LATS2: variants seen among roughly 807,000 people sequenced by gnomAD.
The protein encoded by LATS2 is serine/threonine-protein kinase LATS2.
LATS2 carries 24 observed loss-of-function variants against 76.0 expected under a neutral mutation model. That is an observed-to-expected ratio of 0.32 (90% CI 0.23 to 0.44). The LOEUF (loss-of-function observed/expected upper bound fraction) is 0.44, where lower values mean the gene tolerates loss of function less well. Among genes scored for constraint, LATS2 ranks in the 20% least tolerant of loss-of-function variants. The pLI is 1.00. For synonymous variants in LATS2, 692 were observed against 635.4 expected (o/e 1.09, Z -1.34); for missense variants, 1,286 against 1,481.2 (o/e 0.87, Z 2.16).
rs766718464 is a variant in LATS2 at position 21,046,038 on chromosome 13, T to G, written c.-12A>C. 1 of 1,584,198 alleles carries G rather than the reference T, an allele frequency of 6.3e-7. No homozygotes were observed. Among genetic ancestry groups the G allele is most frequent in the East Asian group, 2.2e-5 (1 of 44,552 alleles). ...GTCTTTGGCCTCATTGTTAGTCCAG[T>G]TTCCTTTTACCATAAATACAATCTT... is the stretch of plus-strand genomic sequence containing the variant. On this transcript the variant is annotated 5_prime_UTR_variant, in exon 2 of 8. Transcript: ENST00000382592.
intron 1 of LATS2, among the ~76,000 whole-genome samples, chr13:21,050,337 A>C (rs1445763683): frequency 6.6e-6 from 1 of 151,300 alleles, no homozygotes; most frequent in Non-Finnish European, 1.5e-5. Context: ...CCAAATCAAG[A>C]AGTGTATCAT....
intron 2 of LATS2, among the ~76,000 whole-genome samples, chr13:21,031,118 T>C (rs1304652060): frequency 3.9e-5 from 6 of 152,232 alleles, no homozygotes; most frequent in Admixed American, 3.9e-4. Flanking sequence ...TTTCTCTGGG[T>C]GCTTTCAAGA....
chr13:20,997,678 C>G (rs1413197094), intron 2 of LATS2, among the ~76,000 whole-genome samples: 2 of 152,230 alleles, frequency 1.3e-5, no homozygotes, highest in Non-Finnish European at 2.9e-5. Flanking sequence ...CCTCTGCTCT[C>G]TTGGCTTGGT....
At position 21,049,662 on chromosome 13, in the gene LATS2, A is replaced by G. The variant is rs80164847; in HGVS notation, c.-204-3432T>C. ...TGAAAGGACAAGAGCCACAAGAGAC[A>G]CTGCAGACTGAAGAAAAAGAACCAT... is the stretch of plus-strand genomic sequence containing the variant. On this transcript the variant is annotated intron_variant, in intron 1 of 7. Coordinates refer to ENST00000382592, the MANE Select transcript of LATS2 (RefSeq NM_014572.3). Among the ~76,000 whole-genome samples the G allele has an allele frequency of 7.9e-3, 1,208 of 152,308 alleles. 27 individuals carry two copies. The highest frequency in any genetic ancestry group is 0.028 in the African/African-American group (1,161 of 41,562).
chr13:21,022,360 C>A (rs1285772148), intron 2 of LATS2, among the ~76,000 whole-genome samples: 3 of 152,130 alleles, frequency 2.0e-5, no homozygotes, highest in African/African-American at 4.8e-5. Context: ...GACTGAGAAC[C>A]ATTGCTCAAG....
chr13:20,979,405 A>T (rs1869770387), intron 7 of LATS2, among the ~76,000 whole-genome samples: 1 of 152,060 alleles, frequency 6.6e-6, no homozygotes. Context: ...ACCTTTGCTG[A>T]TCCTCACTGT....
At chr13:21,009,341 G>A (rs374877162) in intron 2 of LATS2, among the ~76,000 whole-genome samples, 5 of 151,800 alleles carry the variant, frequency 3.3e-5, no homozygotes, top group East Asian at 1.9e-4. Context: ...ATCTCTCCCC[G>A]ACACCTGCTC....
rs7992517 is a variant in LATS2 at position 21,026,092 on chromosome 13, C to T, written c.342+19593G>A. Among the ~76,000 whole-genome samples the T allele has an allele frequency of 7.3e-3, 1,112 of 152,260 alleles. 4 individuals are homozygous for T. Among genetic ancestry groups the T allele is most frequent in the Middle Eastern group, 0.017 (5 of 294 alleles). ...CAACACCAATCCCTGGAATACCCATCGGATGCCCCACCCTCCTCTAGGCAT... is the reference window on the plus strand; with the variant it reads ...CAACACCAATCCCTGGAATACCCATTGGATGCCCCACCCTCCTCTAGGCAT... On this transcript the variant is annotated intron_variant, in intron 2 of 7. Transcript: ENST00000382592.
intron 2 of LATS2, among the ~76,000 whole-genome samples, chr13:20,995,217 TAAA>T (rs1470292168): frequency 2.0e-5 from 3 of 152,184 alleles, no homozygotes; most frequent in African/African-American, 4.8e-5. Flanking sequence ...AAAAAAAACA[TAAA>T]AACTGTAATT....
rs941965324 is a variant in LATS2 at position 20,988,099 on chromosome 13, C to A, written c.1681G>T (p.Ala561Ser). 5 of 1,614,272 alleles carry A rather than the reference C, an allele frequency of 3.1e-6. No homozygotes were observed. Among genetic ancestry groups the A allele is most frequent in the Non-Finnish European group, 4.2e-6 (5 of 1,180,050 alleles). ...PEGGDKSRKS[A>S]KGDKGGKDKK... ...TCCTTTCCGCCTTTGTCCCCCTTGG[C>A]GCTTTTGCGGCTCTTGTCGCCGCCC... The change falls in exon 4 of 8, where the codon GCC becomes TCC. Residue 561 changes from alanine (A) to serine (S), a missense_variant. By Grantham distance (99) the Ala-to-Ser change is moderately conservative. Transcript: ENST00000382592.
chr13:21,003,590 C>T (rs1167856160), intron 2 of LATS2, among the ~76,000 whole-genome samples: 2 of 151,828 alleles, frequency 1.3e-5, no homozygotes, highest in East Asian at 1.9e-4. Context: ...ACAGGTGCCT[C>T]GCCACCACAC....
At chr13:20,990,080 C>T (rs1178896304) in intron 3 of LATS2, among the ~76,000 whole-genome samples, 3 of 152,206 alleles carry the variant, frequency 2.0e-5, no homozygotes, top group African/African-American at 4.8e-5. Context: ...AAGACCACCC[C>T]GATACCTGGC....
In LATS2 at chr13:21,009,644, A is replaced by G. The variant is rs371157941; in HGVS notation, c.343-18240T>C. 1.5e-3 allele frequency among the ~76,000 whole-genome samples: 233 copies of G among 152,362 alleles called. 1 individual carries two copies. The highest frequency in any genetic ancestry group is 5.0e-3 in the African/African-American group (207 of 41,588). Reference sequence around the variant, plus strand: ...CTTAATTTTTCATCATAGCTGTTACATAACAATCACAGCATAAGAAGAAAA... The same window carrying G: ...CTTAATTTTTCATCATAGCTGTTACGTAACAATCACAGCATAAGAAGAAAA... On this transcript the variant is annotated intron_variant, in intron 2 of 7. Coordinates refer to ENST00000382592, the MANE Select transcript of LATS2 (RefSeq NM_014572.3).
intron 2 of LATS2, among the ~76,000 whole-genome samples, chr13:21,006,889 G>C (rs1871285858): frequency 6.6e-6 from 1 of 152,198 alleles, no homozygotes; most frequent in Non-Finnish European, 1.5e-5. Context: ...AGTGCCCAGG[G>C]AAAGGGACAT....
Position 21,045,751 on chromosome 13 carries a change from G to T in LATS2, c.276C>A (p.Gly92=), listed in dbSNP as rs1481365877. The T allele has an allele frequency of 2.5e-6, 4 of 1,614,104 alleles. No individual in the cohort carries two copies. Among genetic ancestry groups the T allele is most frequent in the South Asian group, 1.1e-5 (1 of 91,092 alleles). Residue 92 remains glycine (G), a synonymous_variant, in exon 2 of 8, where the codon GGC becomes GGA. Coordinates refer to ENST00000382592, the MANE Select transcript of LATS2 (RefSeq NM_014572.3). The stretch of plus-strand genomic sequence containing the variant: ...GGTTCACTTCTGCAGCTGCAGAGGT[G>T]CCCGATTCATTAGCAAAAGGCAACA... ...YSLLPFANES[G]TSAAAEVNRQ...
At chr13:21,013,206 G>A (rs998591518) in intron 2 of LATS2, among the ~76,000 whole-genome samples, 19 of 152,094 alleles carry the variant, frequency 1.2e-4, no homozygotes, top group Admixed American at 1.1e-3. Context: ...AGGCCCATCC[G>A]CTATGGTGAC....
Position 20,983,118 on chromosome 13 carries a change from A to C in LATS2, c.2482+106T>G, listed in dbSNP as rs1869972104. 4 of 703,012 alleles carry C rather than the reference A, an allele frequency of 5.7e-6. No homozygotes were observed. The East Asian group carries it at 1.1e-4, about 19-fold the overall frequency. 43.5% of individuals were successfully genotyped at this position (703,012 alleles called of 1,614,324 possible). A position where few individuals can be genotyped will look rare whatever the true frequency, so the allele number is the denominator to read the frequency against. ...ATAAAATAATGGAGTGACAGATAAA[A>C]ATTTCAAAATGATTAGGAGCCACTA... On this transcript the variant is annotated intron_variant, in intron 5 of 7. Transcript: ENST00000382592.
chr13:21,006,814 GT>G (rs2138328998), intron 2 of LATS2, among the ~76,000 whole-genome samples: 1 of 152,340 alleles, frequency 6.6e-6, no homozygotes, highest in East Asian at 1.9e-4. Context: ...AGCTGTGCAT[GT>G]TTGGGGGCTC....
chr13:21,061,124 G>A lies in LATS2; in HGVS notation c.-205+222C>T, dbSNP rs558576354. ...CGGCTCCGCGGGCTCCGTACGGCCTGGACTACGAGCCGCCGGGCGGGGGCG... is the reference window on the plus strand; with the variant it reads ...CGGCTCCGCGGGCTCCGTACGGCCTAGACTACGAGCCGCCGGGCGGGGGCG... On this transcript the variant is annotated intron_variant, in intron 1 of 7. Coordinates refer to ENST00000382592, the MANE Select transcript of LATS2 (RefSeq NM_014572.3). Among the ~76,000 whole-genome samples, 145 of 151,976 alleles carry A rather than the reference G, an allele frequency of 9.5e-4. 2 individuals carry two copies. The South Asian group carries it at 0.015, about 16-fold the overall frequency.
Sources: allele counts gnomAD v4.1 joint callset (sites outside exome capture counted in the v4.1 genomes callset), GRCh38; gene constraint gnomAD v4.1.1; transcripts MANE v1.5; gene names NCBI Gene and HGNC (gene_info 2026-07-23, HGNC 2026-07-21).